FUT9: variants seen among roughly 807,000 people sequenced by gnomAD.
FUT9 encodes fucosyltransferase 9.
FUT9 carries 15 observed loss-of-function variants against 29.7 expected under a neutral mutation model. That is an observed-to-expected ratio of 0.51 (90% CI 0.34 to 0.78). FUT9 has a LOEUF of 0.78. FUT9 is among the 30% of genes least tolerant of loss of function. The pLI is 0.01. For synonymous variants in FUT9, 169 were observed against 153.7 expected (o/e 1.10, Z -0.74); for missense variants, 319 against 425.4 (o/e 0.75, Z 2.20).
intron 1 of FUT9, among the ~76,000 whole-genome samples, chr6:96,063,283 G>A (rs1426349373): frequency 6.6e-6 from 1 of 152,146 alleles, no homozygotes; most frequent in African/African-American, 2.4e-5. Flanking sequence ...TTGGCTCACG[G>A]TTCTGTATGT....
intron 1 of FUT9, among the ~76,000 whole-genome samples, chr6:96,085,077 C>CT (rs1771293321): frequency 6.6e-6 from 1 of 151,942 alleles, no homozygotes; most frequent in South Asian, 2.1e-4. Context: ...TCGCATAAGG[C>CT]TTTTATTTAA....
intron 2 of FUT9, among the ~76,000 whole-genome samples, chr6:96,141,260 T>A (rs1437680025): frequency 6.6e-6 from 1 of 152,206 alleles, no homozygotes; most frequent in African/African-American, 2.4e-5. Context: ...ATATATAGGC[T>A]TTTGTATCAT....
intron 2 of FUT9, among the ~76,000 whole-genome samples, chr6:96,190,183 C>T (rs372951256): frequency 2.6e-5 from 4 of 152,038 alleles, no homozygotes; most frequent in South Asian, 2.1e-4. Context: ...TTTGGCTGGA[C>T]ATGAAATTCT....
intron 2 of FUT9, among the ~76,000 whole-genome samples, chr6:96,168,495 A>G (rs963685637): frequency 3.9e-5 from 6 of 152,204 alleles, no homozygotes; most frequent in African/African-American, 9.6e-5. Context: ...GGACAAGGGA[A>G]GAAAGCAATC....
In FUT9 at chr6:96,114,037, A is replaced by G. The variant is rs1313251493; in HGVS notation, c.-97-2A>G. On this transcript the variant is annotated splice_acceptor_variant, in intron 1 of 2. Transcript: ENST00000302103. LOFTEE classifies it low-confidence loss of function (5UTR_SPLICE). ...TACTACTTTATTTCTCTTTCTCATC[A>G]GATTTAGAATGTAATAACTCAAGGA... is the stretch of plus-strand genomic sequence containing the variant. 1 of 152,144 alleles carries G rather than the reference A, an allele frequency of 6.6e-6. No homozygotes were observed. Among genetic ancestry groups the G allele is most frequent in the Non-Finnish European group, 1.5e-5 (1 of 68,024 alleles). The allele number at this position is 152,144 out of a possible 1,614,324, so 9.4% of individuals were successfully genotyped here.
At chr6:96,163,927 G>C (rs1772960925) in intron 2 of FUT9, among the ~76,000 whole-genome samples, 1 of 152,126 alleles carries the variant, frequency 6.6e-6, no homozygotes, top group African/African-American at 2.4e-5. Flanking sequence ...ATCAATTTAG[G>C]AGTTTATTTT....
intron 2 of FUT9, among the ~76,000 whole-genome samples, chr6:96,190,083 C>A (rs1258994814): frequency 1.3e-5 from 2 of 152,102 alleles, no homozygotes; most frequent in Non-Finnish European, 2.9e-5. Context: ...CTTTCAGGAG[C>A]TCTTGTAGGG....
intron 2 of FUT9, among the ~76,000 whole-genome samples, chr6:96,202,392 AC>A (rs1773741846): frequency 1.3e-5 from 2 of 152,198 alleles, no homozygotes; most frequent in South Asian, 4.1e-4. Flanking sequence ...GTAAGTGAGA[AC>A]GTTTTTCCAA....
intron 1 of FUT9, among the ~76,000 whole-genome samples, chr6:96,082,986 T>A (rs1193727568): frequency 6.6e-6 from 1 of 152,002 alleles, no homozygotes; most frequent in South Asian, 2.1e-4. Context: ...CTTCAAAAAT[T>A]TTTTTAGCTG....
chr6:96,179,410 T>C (rs1471775632), intron 2 of FUT9, among the ~76,000 whole-genome samples: 1 of 152,122 alleles, frequency 6.6e-6, no homozygotes, highest in Admixed American at 6.6e-5. Context: ...GTCATTATAA[T>C]GCAAGTGCTA....
intron 2 of FUT9, among the ~76,000 whole-genome samples, chr6:96,115,480 AC>A (rs1454237099): frequency 6.6e-6 from 1 of 152,178 alleles, no homozygotes; most frequent in African/African-American, 2.4e-5. Flanking sequence ...AGATTCACAA[AC>A]CCAAATTGTC....
chr6:96,151,691 A>G (rs979677161), intron 2 of FUT9, among the ~76,000 whole-genome samples: 2 of 152,184 alleles, frequency 1.3e-5, no homozygotes, highest in Non-Finnish European at 1.5e-5. Context: ...TGTTATATTC[A>G]GATTCACTAT....
chr6:96,177,762 T>G (rs1452712634), intron 2 of FUT9, among the ~76,000 whole-genome samples: 1 of 152,148 alleles, frequency 6.6e-6, no homozygotes, highest in African/African-American at 2.4e-5. Context: ...TCTCATTTAA[T>G]TCTCAAAACA....
chr6:96,087,512 G>A (rs761057514), intron 1 of FUT9, among the ~76,000 whole-genome samples: 7 of 151,700 alleles, frequency 4.6e-5, no homozygotes, highest in Non-Finnish European at 8.8e-5. Context: ...GACTACAGGC[G>A]CGTGCCACAA....
chr6:96,021,108 T>A (rs1403583851), intron 1 of FUT9: 1 of 151,924 alleles, frequency 6.6e-6, no homozygotes, highest in Non-Finnish European at 1.5e-5. Flanking sequence ...AACAAGGGTG[T>A]CCAGGAAAAA....
intron 1 of FUT9, among the ~76,000 whole-genome samples, chr6:96,087,354 C>T (rs913462438): frequency 7.2e-6 from 1 of 137,994 alleles, no homozygotes; most frequent in Non-Finnish European, 1.5e-5. Flanking sequence ...TTTATATTTT[C>T]CCCACAAATT....
intron 2 of FUT9, among the ~76,000 whole-genome samples, chr6:96,188,659 G>T (rs1422934638): frequency 1.3e-5 from 2 of 150,716 alleles, no homozygotes; most frequent in Non-Finnish European, 2.9e-5. Flanking sequence ...GTGTGTGTGT[G>T]TGTTTAAACA....
chr6:96,113,752 G>A (rs1484384532), intron 1 of FUT9, among the ~76,000 whole-genome samples: 5 of 151,562 alleles, frequency 3.3e-5, no homozygotes. Flanking sequence ...TACTCAGGAG[G>A]CTGAGGCCGG....
At position 96,207,973 on chromosome 6, in the gene FUT9, C is replaced by G; in HGVS notation, c.*3738C>G. ...TATATCTGACAATATGAAGTAGAAA[C>G]TGAAAAAAAAAATCATCTTAGTGGG... On this transcript the variant is annotated 3_prime_UTR_variant, in exon 3 of 3. Transcript: ENST00000302103. 6.1e-6 allele frequency: 1 copy of G among 165,034 alleles called. No individual in the cohort carries two copies. 10.2% of individuals were successfully genotyped at this position (165,034 alleles called of 1,614,324 possible). A position where few individuals can be genotyped will look rare whatever the true frequency, so the allele number is the denominator to read the frequency against.
Sources: gnomAD v4.1 joint callset for allele counts (sites outside exome capture counted in the v4.1 genomes callset) on GRCh38, gnomAD v4.1.1 for gene constraint, MANE v1.5 for transcripts, NCBI Gene and HGNC (gene_info 2026-07-23, HGNC 2026-07-21) for gene names.